The following CRIM1 variants were observed in gnomAD, a reference collection of about 807,000 sequenced individuals.
The protein encoded by CRIM1 is cysteine rich transmembrane BMP regulator 1.
A neutral mutation model predicts 116.4 loss-of-function variants in CRIM1; 32 were observed. The observed-to-expected ratio is 0.27, with a 90% CI of 0.21 to 0.37. CRIM1 has a LOEUF of 0.37. CRIM1 is among the 10% of genes least tolerant of loss of function. The pLI is 1.00. For synonymous variants in CRIM1, 590 were observed against 509.2 expected (o/e 1.16, Z -2.13); for missense variants, 1,331 against 1,354.8 (o/e 0.98, Z 0.28).
chr2:36,513,274 T>G, intron 10 of CRIM1: 1 of 382,526 alleles, frequency 2.6e-6, no homozygotes, highest in African/African-American at 2.0e-5. Context: ...CAGTGCTTGT[T>G]TATTGTATAA....
intron 5 of CRIM1, among the ~76,000 whole-genome samples, chr2:36,470,978 A>C (rs566087768): frequency 2.6e-5 from 4 of 152,270 alleles, no homozygotes; most frequent in Admixed American, 2.6e-4. Flanking sequence ...AACCCTCATG[A>C]ATGACTTTGA....
At chr2:36,449,037 T>G (rs932106715) in intron 4 of CRIM1, among the ~76,000 whole-genome samples, 1 of 150,660 alleles carries the variant, frequency 6.6e-6, no homozygotes, top group African/African-American at 2.5e-5. Context: ...TTGACTTGTT[T>G]TTTTTTTTTT....
chr2:36,409,928 A>G (rs559827482), intron 2 of CRIM1, among the ~76,000 whole-genome samples: 2 of 152,346 alleles, frequency 1.3e-5, no homozygotes, highest in Admixed American at 6.5e-5. Context: ...TTCAAAAGCT[A>G]TGAGACCATT....
intron 2 of CRIM1, among the ~76,000 whole-genome samples, chr2:36,416,857 G>C (rs534553262): frequency 1.7e-4 from 26 of 152,290 alleles, no homozygotes; most frequent in African/African-American, 6.3e-4. Context: ...TTCTGTAGTC[G>C]AACAGCCTCT....
rs1668838650 is a variant in CRIM1, at chr2:36,356,739, G to T, written c.331+116G>T. 2 of 1,051,510 alleles carry T rather than the reference G, an allele frequency of 1.9e-6. No individual in the cohort carries two copies. The highest frequency in any genetic ancestry group is 2.6e-5 in the East Asian group (1 of 38,236). The allele number at this position is 1,051,510 out of a possible 1,614,324, so 65.1% of individuals were successfully genotyped here. A position where few individuals can be genotyped will look rare whatever the true frequency, so the allele number is the denominator to read the frequency against. ...TGGAGGAAAGAGGGCTCTGCGGGAA[G>T]AGGGGCGGCCGCCGCCCCCAGGAGA... is the stretch of plus-strand genomic sequence containing the variant. On this transcript the variant is annotated intron_variant, in intron 1 of 16. Coordinates refer to ENST00000280527, the MANE Select transcript of CRIM1 (RefSeq NM_016441.3). The surrounding 1 kb of genome is among the most constrained non-coding windows in gnomAD (Gnocchi z 4.3).
Position 36,510,006 on chromosome 2 carries a change from A to T in CRIM1, c.1525A>T (p.Lys509Ter). 6.2e-7 allele frequency: 1 copy of T among 1,614,088 alleles called. No individual in the cohort carries two copies. Among genetic ancestry groups the T allele is most frequent in the Non-Finnish European group, 8.5e-7 (1 of 1,179,986 alleles). Residue 509 changes from lysine (K) to a stop codon, truncating the protein, a stop_gained, in exon 9 of 17, where the codon AAA becomes TAA. Transcript: ENST00000280527. LOFTEE classifies it high-confidence loss of function. ...INTEELCSERKQGCTLNCPFG... is the reference protein window; with the variant it reads ...INTEELCSER ...AGCCGAGGAACTATGTTCAGAACGT[A>T]AACAAGGCTGCACCTTGAACTGTCC...
rs2148260681 is a variant in CRIM1 at position 36,356,780 on chromosome 2, T to A, written c.331+157T>A. On this transcript the variant is annotated intron_variant, in intron 1 of 16. Transcript: ENST00000280527. This position sits in a 1 kb window ranked among gnomAD's most constrained non-coding sequence, Gnocchi z 4.3. ...CCCCAGGAGAGTGCCCCCGCGGCCCTGCGTTCCCTCTCCTTGTTCCCCCCG... is the reference window on the plus strand; with the variant it reads ...CCCCAGGAGAGTGCCCCCGCGGCCCAGCGTTCCCTCTCCTTGTTCCCCCCG... 6.6e-6 allele frequency among the ~76,000 whole-genome samples: 1 copy of A among 152,306 alleles called. No homozygotes were observed. Among genetic ancestry groups the A allele is most frequent in the South Asian group, 2.1e-4 (1 of 4,828 alleles).
intron 2 of CRIM1, among the ~76,000 whole-genome samples, chr2:36,425,047 G>GTTAA (rs1674348508): frequency 6.6e-6 from 1 of 152,166 alleles, no homozygotes; most frequent in South Asian, 2.1e-4. Flanking sequence ...CACGTAAGCA[G>GTTAA]TTAAAGTCAG....
intron 4 of CRIM1, among the ~76,000 whole-genome samples, chr2:36,461,664 GGGACTCATATCATTTGTA>G (rs1677589567): frequency 6.6e-6 from 1 of 152,154 alleles, no homozygotes. Flanking sequence ...AAAACTACAT[GGGACTCATATCATTTGTA>G]GATATAACAG....
intron 4 of CRIM1, among the ~76,000 whole-genome samples, chr2:36,461,371 AT>A (rs1677567887): frequency 6.6e-6 from 1 of 152,168 alleles, no homozygotes; most frequent in Non-Finnish European, 1.5e-5. Flanking sequence ...GGAGGGAAAG[AT>A]TAGGGAGGAC....
chr2:36,511,178 C>T (rs1362227749), intron 9 of CRIM1, among the ~76,000 whole-genome samples: 1 of 152,056 alleles, frequency 6.6e-6, no homozygotes, highest in African/African-American at 2.4e-5. Context: ...CTGGCTCAAG[C>T]GATCAGCCTA....
chr2:36,364,477 C>T (rs1669457118), intron 1 of CRIM1, among the ~76,000 whole-genome samples: 1 of 152,124 alleles, frequency 6.6e-6, no homozygotes, highest in South Asian at 2.1e-4. Flanking sequence ...AACGGAAATG[C>T]CAAGCATGTC....
At chr2:36,505,825 A>G (rs1681350667) in intron 8 of CRIM1, among the ~76,000 whole-genome samples, 1 of 152,150 alleles carries the variant, frequency 6.6e-6, no homozygotes, top group South Asian at 2.1e-4. Flanking sequence ...GAATCAACGA[A>G]TAAATGTTTG....
chr2:36,499,126 TG>T, intron 7 of CRIM1, 92 bp from the exon 8 acceptor site: 1 of 923,950 alleles, frequency 1.1e-6, no homozygotes. Flanking sequence ...ATTTGATTTT[TG>T]TAACATTATG....
intron 7 of CRIM1, among the ~76,000 whole-genome samples, chr2:36,481,926 A>C (rs1222454980): frequency 6.6e-6 from 1 of 152,100 alleles, no homozygotes; most frequent in Non-Finnish European, 1.5e-5. Context: ...GCAAGGGAGG[A>C]AATCATTTTG....
At chr2:36,455,584 G>A (rs780659860) in intron 4 of CRIM1, among the ~76,000 whole-genome samples, 41 of 152,236 alleles carry the variant, frequency 2.7e-4, no homozygotes, top group Middle Eastern at 6.8e-3. Context: ...CAGAGTCACC[G>A]GAAGGGAAGG....
intron 1 of CRIM1, among the ~76,000 whole-genome samples, chr2:36,393,468 T>C (rs1180042664): frequency 6.6e-6 from 1 of 152,198 alleles, no homozygotes; most frequent in East Asian, 1.9e-4. Flanking sequence ...ACCAGTGACA[T>C]ATATGTGTGT....
intron 13 of CRIM1, among the ~76,000 whole-genome samples, chr2:36,533,267 A>T (rs1397452129): frequency 1.3e-5 from 2 of 152,116 alleles, no homozygotes; most frequent in East Asian, 3.9e-4. Context: ...TGTGTCATTG[A>T]AGGAGACAGT....
rs146872360 is a variant in CRIM1 at position 36,392,872 on chromosome 2, T to G, written c.332-3742T>G. Among the ~76,000 whole-genome samples the G allele has an allele frequency of 5.3e-3, 803 of 152,280 alleles. 11 individuals carry two copies. Among genetic ancestry groups the G allele is most frequent in the African/African-American group, 0.018 (763 of 41,556 alleles). ...AAAAGTGTCTACGATGTTGTTAGCT[T>G]TAGAGTCAGTGATGCTTCCTGGCTG... On this transcript the variant is annotated intron_variant, in intron 1 of 16. Transcript: ENST00000280527.
Sources: allele counts gnomAD v4.1 joint callset (sites outside exome capture counted in the v4.1 genomes callset), GRCh38; gene constraint gnomAD v4.1.1; non-coding constraint Gnocchi (gnomAD v3.1); transcripts MANE v1.5; gene names NCBI Gene and HGNC (gene_info 2026-07-23, HGNC 2026-07-21).